PDS5B: variants seen among roughly 807,000 people sequenced by gnomAD.
PDS5B encodes the protein PDS5 cohesin associated factor B.
A neutral mutation model predicts 184.1 loss-of-function variants in PDS5B; 51 were observed. The observed-to-expected ratio is 0.28, with a 90% confidence interval of 0.22 to 0.35. PDS5B has a LOEUF of 0.35. Among genes scored for constraint, PDS5B ranks in the 10% least tolerant of loss-of-function variants. PDS5B has a pLI of 1.00. For missense variants in PDS5B, 1,180 were observed against 1,723.3 expected (o/e 0.68, Z 5.58); for synonymous variants, 566 against 569.2 (o/e 0.99, Z 0.08).
In PDS5B at chr13:32,741,324, T is replaced by C. The variant is rs115853798; in HGVS notation, c.2475+176T>C. ...GGGTAATAATGAGAAAGCTGGGATT[T>C]TGTGGACAGCTGCACATAATCTAAT... On this transcript the variant is annotated intron_variant, in intron 22 of 34. Transcript: ENST00000315596. Among the ~76,000 whole-genome samples, 446 of 152,254 alleles carry C rather than the reference T, an allele frequency of 2.9e-3. 5 individuals carry two copies. The highest frequency in any genetic ancestry group is 0.01 in the African/African-American group (433 of 41,556).
chr13:32,704,827 T>G (rs927085101), intron 17 of PDS5B, among the ~76,000 whole-genome samples: 1 of 152,216 alleles, frequency 6.6e-6, no homozygotes, highest in Non-Finnish European at 1.5e-5. Context: ...ATTCTGTACA[T>G]TACAACTTTT....
At chr13:32,723,502 GTTAT>G (rs1357916781) in intron 19 of PDS5B, among the ~76,000 whole-genome samples, 3 of 151,978 alleles carry the variant, frequency 2.0e-5, no homozygotes, top group African/African-American at 4.8e-5. Flanking sequence ...AGCATAGGTG[GTTAT>G]TTATTTTCAT....
At chr13:32,725,378 C>G (rs1952862540) in intron 19 of PDS5B, among the ~76,000 whole-genome samples, 1 of 151,892 alleles carries the variant, frequency 6.6e-6, no homozygotes. Flanking sequence ...CAAGTTAGTC[C>G]CTGAGTCCTT....
intron 1 of PDS5B, among the ~76,000 whole-genome samples, chr13:32,599,420 A>G (rs553493985): frequency 6.6e-6 from 1 of 151,886 alleles, no homozygotes; most frequent in South Asian, 2.1e-4. Context: ...GCACGCCACC[A>G]TGCCCAGCTA....
chr13:32,608,028 C>T (rs567071795), intron 1 of PDS5B, among the ~76,000 whole-genome samples: 85 of 152,292 alleles, frequency 5.6e-4, no homozygotes, highest in Non-Finnish European at 9.6e-4. Context: ...TGATGCCCTG[C>T]CCTGCTCCAT....
chr13:32,641,056 C>CA (rs71194532), intron 1 of PDS5B, among the ~76,000 whole-genome samples: 5,897 of 94,792 alleles, frequency 0.062, 248 homozygotes, highest in African/African-American at 0.11. Context: ...GACTCCGTCT[C>CA]AAAAAAAAAA....
chr13:32,722,147 G>A (rs1952736936), intron 19 of PDS5B, among the ~76,000 whole-genome samples: 2 of 152,236 alleles, frequency 1.3e-5, no homozygotes, highest in Non-Finnish European at 2.9e-5. Flanking sequence ...TTGAGGTCAG[G>A]AGCTGGAGAC....
At chr13:32,755,329 C>T (rs1954135440) in intron 25 of PDS5B, among the ~76,000 whole-genome samples, 1 of 152,010 alleles carries the variant, frequency 6.6e-6, no homozygotes, top group African/African-American at 2.4e-5. Flanking sequence ...TTAAAATGCC[C>T]TAGAAACTCT....
intron 1 of PDS5B, among the ~76,000 whole-genome samples, chr13:32,627,466 C>T (rs2058387037): frequency 1.3e-5 from 2 of 151,918 alleles, no homozygotes; most frequent in Admixed American, 1.3e-4. Context: ...AGTTCATTTC[C>T]TGGGTTTTTT....
At chr13:32,683,116 G>A (rs1379882899) in intron 10 of PDS5B, among the ~76,000 whole-genome samples, 3 of 151,856 alleles carry the variant, frequency 2.0e-5, no homozygotes, top group Non-Finnish European at 2.9e-5. Context: ...GGGTTCAAGC[G>A]ATTCTCCTGC....
At chr13:32,685,823 A>G (rs1951370999) in intron 11 of PDS5B, among the ~76,000 whole-genome samples, 2 of 151,746 alleles carry the variant, frequency 1.3e-5, no homozygotes, top group African/African-American at 4.8e-5. Context: ...TTTTTTTATT[A>G]GAGACAGGGT....
chr13:32,598,348 C>T (rs1028523521), intron 1 of PDS5B, among the ~76,000 whole-genome samples: 8 of 152,266 alleles, frequency 5.3e-5, no homozygotes, highest in African/African-American at 1.7e-4. Flanking sequence ...GCTGGGATTA[C>T]AGGCGTGAGC....
intron 1 of PDS5B, among the ~76,000 whole-genome samples, chr13:32,611,218 A>C (rs904571645): frequency 6.6e-6 from 1 of 152,074 alleles, no homozygotes; most frequent in African/African-American, 2.4e-5. Flanking sequence ...CCAAATCAGC[A>C]TCTGATGTTT....
intron 20 of PDS5B, among the ~76,000 whole-genome samples, chr13:32,734,643 C>A (rs1434620709): frequency 6.6e-6 from 1 of 152,174 alleles, no homozygotes; most frequent in African/African-American, 2.4e-5. Flanking sequence ...GGATCCTTGG[C>A]ATCAAGCCAG....
intron 2 of PDS5B, among the ~76,000 whole-genome samples, chr13:32,650,976 A>G (rs1950354267): frequency 6.6e-6 from 1 of 152,208 alleles, no homozygotes. Context: ...AGTTGTATTT[A>G]AATGTCAGTT....
At chr13:32,588,428 A>C (rs1016407877) in intron 1 of PDS5B, among the ~76,000 whole-genome samples, 3 of 152,244 alleles carry the variant, frequency 2.0e-5, no homozygotes, top group African/African-American at 7.2e-5. Flanking sequence ...AGACTTTATA[A>C]AAATTACCAA....
intron 23 of PDS5B, 47 bp downstream of exon 23, chr13:32,742,774 G>C (rs1318847514): frequency 6.5e-7 from 1 of 1,546,148 alleles, no homozygotes; most frequent in Admixed American, 1.7e-5. Flanking sequence ...TAATATTTCA[G>C]CTCTTGGTGT....
Position 32,758,134 on chromosome 13 carries a change from A to G in PDS5B, c.3104A>G (p.Asn1035Ser), listed in dbSNP as rs1276414537. ...ATATTAATGGCTAAAAATGAAAATA[A>G]CAGTCACGCTTTTATCAGAAAGATG... ...LEILMAKNEN[N>S]SHAFIRKMVE... is the part of the protein sequence containing the mutation. Residue 1035 changes from asparagine to serine, a missense_variant, in exon 27 of 35, where the codon AAC (asparagine) becomes AGC (serine). This residue lies in a region of PDS5B where 465 missense variants were observed against 497.8 expected (regional missense o/e 0.93). Coordinates refer to ENST00000315596, the MANE Select transcript of PDS5B (RefSeq NM_015032.4). 3.2e-6 allele frequency: 5 copies of G among 1,538,990 alleles called. No homozygotes were observed. The highest frequency in any genetic ancestry group is 4.4e-6 in the Non-Finnish European group (5 of 1,129,660).
intron 11 of PDS5B, among the ~76,000 whole-genome samples, chr13:32,686,823 C>G (rs1951407183): frequency 6.6e-6 from 1 of 151,802 alleles, no homozygotes; most frequent in African/African-American, 2.4e-5. Context: ...GTTTTTCTCA[C>G]CAATTTTAAG....
Sources: gnomAD v4.1 joint callset for allele counts (sites outside exome capture counted in the v4.1 genomes callset) on GRCh38, gnomAD v4.1.1 for gene constraint, gnomAD v4.1.1 regional missense constraint, MANE v1.5 for transcripts, NCBI Gene and HGNC (gene_info 2026-07-23, HGNC 2026-07-21) for gene names.